Variants in ZDHHC21 observed in about 807,000 individuals in gnomAD.
The protein encoded by ZDHHC21 is zDHHC palmitoyltransferase 21, also known as palmitoyltransferase ZDHHC21.
ZDHHC21 carries 15 observed loss-of-function variants against 34.6 expected under a neutral mutation model. The ratio of observed to expected loss-of-function variants is 0.43; its 90% confidence interval spans 0.29 to 0.67. The LOEUF (loss-of-function observed/expected upper bound fraction) is 0.67, where lower values mean the gene tolerates loss of function less well. ZDHHC21 is among the 30% of genes least tolerant of loss of function. The pLI, the probability that ZDHHC21 is intolerant of heterozygous loss-of-function variation, is 0.14. For synonymous variants in ZDHHC21, 142 were observed against 101.8 expected (o/e 1.40, Z -2.38); for missense variants, 344 against 327.7 (o/e 1.05, Z -0.38).
rs143588638 is a variant in ZDHHC21, at chr9:14,612,843, TACAC to T, written c.*6119_*6122del. The T allele has an allele frequency of 0.16, 22,963 of 143,046 alleles. 1,883 individuals are homozygous for T. The highest frequency in any genetic ancestry group is 0.24 in the East Asian group (1,166 of 4,852). The allele number at this position is 143,046 out of a possible 1,614,324, so 8.9% of individuals were successfully genotyped here. A position where few individuals can be genotyped will look rare whatever the true frequency, so the allele number is the denominator to read the frequency against. On this transcript the variant is annotated 3_prime_UTR_variant, in exon 10 of 10. Coordinates refer to ENST00000380916, the MANE Select transcript of ZDHHC21 (RefSeq NM_178566.6). ...ATTATTCTTTAAAGCCACTAAAGAT[TACAC>T]ACACACACACACACACACACACACA...
In ZDHHC21 at chr9:14,630,370, A is replaced by T. The variant is rs541866061; in HGVS notation, c.621+9526T>A. On this transcript the variant is annotated intron_variant, in intron 8 of 9. Coordinates refer to ENST00000380916, the MANE Select transcript of ZDHHC21 (RefSeq NM_178566.6). Reference sequence around the variant, plus strand: ...CATTCAACACTGATCATGAGATTGTAGCAATTCGGTCACATCTTCCACTTC... The same window carrying T: ...CATTCAACACTGATCATGAGATTGTTGCAATTCGGTCACATCTTCCACTTC... 9.8e-4 allele frequency among the ~76,000 whole-genome samples: 150 copies of T among 152,322 alleles called. 1 individual carries two copies. The highest frequency in any genetic ancestry group is 3.5e-3 in the African/African-American group (145 of 41,572).
the ZDHHC21 span, among the ~76,000 whole-genome samples, chr9:14,591,311 T>C: frequency 6.6e-6 from 1 of 152,110 alleles, no homozygotes; most frequent in East Asian, 1.9e-4. Context: ...ATGAGGGATC[T>C]GTCCTCATGA....
chr9:14,632,849 A>C (rs1052265429), intron 8 of ZDHHC21, among the ~76,000 whole-genome samples: 1 of 152,172 alleles, frequency 6.6e-6, no homozygotes, highest in African/African-American at 2.4e-5. Flanking sequence ...ACCTCATTAG[A>C]TCACCAGGGA....
At position 14,644,507 on chromosome 9, in the gene ZDHHC21, T is replaced by G. The variant is rs1200587315; in HGVS notation, c.505-4495A>C. Among the ~76,000 whole-genome samples the G allele has an allele frequency of 2.7e-5, 4 of 148,988 alleles. No individual in the cohort carries two copies. The East Asian group carries it at 7.8e-4, about 29-fold the overall frequency. ...TGCTATAGTTGGTTGATTTTGTGTG[T>G]TTTTTTTTTAAGGGGGTCGGGAAGA... On this transcript the variant is annotated intron_variant, in intron 7 of 9. Coordinates refer to ENST00000380916, the MANE Select transcript of ZDHHC21 (RefSeq NM_178566.6).
the ZDHHC21 span, among the ~76,000 whole-genome samples, chr9:14,599,228 C>T: frequency 5.3e-5 from 8 of 152,182 alleles, no homozygotes; most frequent in Non-Finnish European, 1.2e-4. Context: ...GTAATTTCTG[C>T]ATTTCCAACT....
chr9:14,602,325 C>A, the ZDHHC21 span, among the ~76,000 whole-genome samples: 5 of 151,962 alleles, frequency 3.3e-5, no homozygotes, highest in Non-Finnish European at 5.9e-5. Flanking sequence ...AGAAAGCCTA[C>A]AATGACACAA....
intron 3 of ZDHHC21, chr9:14,677,469 G>C (rs1202910714): frequency 1.3e-5 from 2 of 150,116 alleles, no homozygotes; most frequent in Non-Finnish European, 2.9e-5. Flanking sequence ...TGGCTGAAGA[G>C]AAACTATTAC....
chr9:14,686,097 T>C lies in ZDHHC21; in HGVS notation c.-176+4240A>G, dbSNP rs977777744. Among the ~76,000 whole-genome samples, 11 of 151,902 alleles carry C rather than the reference T, an allele frequency of 7.2e-5. No homozygotes were observed. The South Asian group carries it at 1.0e-3, about 14-fold the overall frequency. ...GAGGAATAGCATTATGAGAACTACC[T>C]AATGTAAATGACGAGTTAATGGGTG... On this transcript the variant is annotated intron_variant, in intron 2 of 9. Transcript: ENST00000380916.
At chr9:14,642,453 C>A (rs932582771) in intron 7 of ZDHHC21, among the ~76,000 whole-genome samples, 4 of 152,142 alleles carry the variant, frequency 2.6e-5, no homozygotes, top group Non-Finnish European at 5.9e-5. Context: ...GTTATGGGCT[C>A]AATTAGGTCC....
intron 8 of ZDHHC21, among the ~76,000 whole-genome samples, chr9:14,625,950 C>T (rs556885617): frequency 6.6e-6 from 1 of 151,640 alleles, no homozygotes; most frequent in Non-Finnish European, 1.5e-5. Flanking sequence ...TAAAAGTAGT[C>T]AAGTATACAG....
chr9:14,677,014 G>C (rs1165213736), intron 3 of ZDHHC21, among the ~76,000 whole-genome samples: 1 of 151,938 alleles, frequency 6.6e-6, no homozygotes, highest in Non-Finnish European at 1.5e-5. Flanking sequence ...AAGTACATGA[G>C]CCAGCAAAAC....
At chr9:14,606,771 T>C (rs1324403101), downstream of ZDHHC21, among the ~76,000 whole-genome samples, 2 of 151,984 alleles carry the variant, frequency 1.3e-5, no homozygotes, top group Non-Finnish European at 2.9e-5. Context: ...GGAAATATAT[T>C]AATAAAAAGT....
chr9:14,603,322 T>C, the ZDHHC21 span, among the ~76,000 whole-genome samples: 3 of 152,174 alleles, frequency 2.0e-5, no homozygotes, highest in Admixed American at 6.5e-5. Flanking sequence ...AGGAGTTACC[T>C]CCTATTTGAG....
chr9:14,658,833 GA>G lies in ZDHHC21; in HGVS notation c.419del (p.Phe140SerfsTer11). 6.2e-7 allele frequency: 1 copy of G among 1,613,294 alleles called. No homozygotes were observed. The highest frequency in any genetic ancestry group is 2.2e-5 in the East Asian group (1 of 44,840). ...DNHWLFLQLC[F>X]YTELLTCYAL... Reference sequence around the variant, plus strand: ...CGTAGCAAGTAAGAAGTTCAGTGTAGAAACACAACTGCAGAAAGAGCCAATG... The same window carrying G: ...CGTAGCAAGTAAGAAGTTCAGTGTAGAACACAACTGCAGAAAGAGCCAATG... On this transcript the variant is annotated frameshift_variant, in exon 7 of 10. Transcript: ENST00000380916. LOFTEE classifies it high-confidence loss of function.
chr9:14,647,428 A>G (rs890318948), intron 7 of ZDHHC21, among the ~76,000 whole-genome samples: 1 of 152,132 alleles, frequency 6.6e-6, no homozygotes, highest in Non-Finnish European at 1.5e-5. Flanking sequence ...AAGACTATAT[A>G]CTATACCTTA....
chr9:14,594,088 TAGATA>T, the ZDHHC21 span: 1 of 152,164 alleles, frequency 6.6e-6, no homozygotes, highest in South Asian at 2.1e-4. Flanking sequence ...CAAAAATTGC[TAGATA>T]AGATATTTGA....
intron 8 of ZDHHC21, among the ~76,000 whole-genome samples, chr9:14,632,142 G>A (rs1297893462): frequency 6.6e-6 from 1 of 151,576 alleles, no homozygotes; most frequent in African/African-American, 2.4e-5. Flanking sequence ...ATATACTGTG[G>A]ATAAGAAATT....
chr9:14,672,899 C>A lies in ZDHHC21; in HGVS notation c.184G>T (p.Val62Phe), dbSNP rs1473712338. ...IFYGISIFCL[V>F]ALVRASITDP... ...GTTATGGAGGCCCTCACTAAGGCAA[C>A]CAGACAGAATATGGAAATGCCATAG... Residue 62 changes from valine to phenylalanine, a missense_variant, in exon 5 of 10, where the codon GTT becomes TTT. By Grantham distance (50) the Val-to-Phe change is conservative. Coordinates refer to ENST00000380916, the MANE Select transcript of ZDHHC21 (RefSeq NM_178566.6). The A allele has an allele frequency of 6.2e-7, 1 of 1,603,016 alleles. No individual in the cohort carries two copies. Among genetic ancestry groups the A allele is most frequent in the Non-Finnish European group, 8.5e-7 (1 of 1,173,070 alleles).
chr9:14,608,445 C>T (rs1324415291), downstream of ZDHHC21, among the ~76,000 whole-genome samples: 2 of 152,118 alleles, frequency 1.3e-5, no homozygotes, highest in South Asian at 2.1e-4. Context: ...TATCTGAGTG[C>T]TTGGAATTGT....
Sources: allele counts gnomAD v4.1 joint callset (sites outside exome capture counted in the v4.1 genomes callset), GRCh38; gene constraint gnomAD v4.1.1; transcripts MANE v1.5; gene names NCBI Gene and HGNC (gene_info 2026-07-23, HGNC 2026-07-21).